The following SLC26A6 variants were observed in gnomAD, a reference collection of about 807,000 sequenced individuals.
SLC26A6 encodes the protein anion exchange transporter.
In SLC26A6, 67 loss-of-function variants were observed where a neutral mutation model predicts 87.1. The ratio of observed to expected loss-of-function variants is 0.77; its 90% CI spans 0.63 to 0.94. The LOEUF is 0.94. Among genes scored for constraint, SLC26A6 ranks in the 40% least tolerant of loss-of-function variants. The pLI is 0.00. For missense variants in SLC26A6, 902 were observed against 973.0 expected, an observed-to-expected ratio of 0.93 and a Z score of 0.97; for synonymous variants, 414 against 405.9, an observed-to-expected ratio of 1.02 and a Z score of -0.24.
intron 1 of SLC26A6, chr3:48,633,907 G>A (rs2046883005): frequency 1.3e-5 from 18 of 1,333,374 alleles, no homozygotes; most frequent in Non-Finnish European, 1.7e-5. Context: ...CTCCAGCCGA[G>A]ATGTGGCAGC....
chr3:48,635,254 G>A lies in SLC26A6; in HGVS notation c.23+117C>T, dbSNP rs539695576. 1.1e-5 allele frequency: 15 copies of A among 1,374,300 alleles called. No homozygotes were observed. The South Asian group carries it at 1.9e-4, about 17-fold the overall frequency. The allele number at this position is 1,374,300 out of a possible 1,614,324, so 85.1% of individuals were successfully genotyped here. ...CAGCCGCCTGCAGAAAATCAGCAGA[G>A]GTAAACCGAGGCGTCGCAAGCGGAG... On this transcript the variant is annotated intron_variant, in intron 1 of 20. Coordinates refer to ENST00000395550, the MANE Select transcript of SLC26A6 (RefSeq NM_022911.3).
chr3:48,629,862 G>A lies in SLC26A6; in HGVS notation c.1529+10C>T, dbSNP rs1262139421. The A allele has an allele frequency of 3.1e-5, 50 of 1,613,788 alleles. No homozygotes were observed. The Admixed American group carries it at 8.2e-4, about 26-fold the overall frequency. ...TAGCTGGAATGAGGGGACCAACATG[G>A]CGGACTCACATCTGTGTCCGGACCA... On this transcript the variant is annotated intron_variant, in intron 13 of 20. Coordinates refer to ENST00000395550, the MANE Select transcript of SLC26A6 (RefSeq NM_022911.3).
chr3:48,626,487 G>T, intron 19 of SLC26A6, 133 bp from the exon 20 acceptor site: 3 of 1,536,340 alleles, frequency 2.0e-6, no homozygotes, highest in East Asian at 4.5e-5. Flanking sequence ...CACATCACTT[G>T]TAACCCTGGA....
Position 48,633,050 on chromosome 3 carries a change from G to C in SLC26A6, c.357C>G (p.Pro119=), listed in dbSNP as rs2276849. The change falls in exon 4 of 21, where the codon CCC becomes CCG. Residue 119 remains proline, a synonymous_variant. Coordinates refer to ENST00000395550, the MANE Select transcript of SLC26A6 (RefSeq NM_022911.3). ...LAYALLAGLP[P]VFGLYSSFYP... ...AGAAGGAGCTATAGAGGCCAAACAC[G>C]GGGGGCAATCCAGCCAGGAGGGCGT... is the stretch of plus-strand genomic sequence containing the variant. 5 of 1,613,296 alleles carry C rather than the reference G, an allele frequency of 3.1e-6. No individual in the cohort carries two copies. Among genetic ancestry groups the C allele is most frequent in the Non-Finnish European group, 4.2e-6 (5 of 1,179,824 alleles).
rs1196375411 is a variant in SLC26A6 at position 48,631,886 on chromosome 3, G to A, written c.744C>T (p.Leu248=). Residue 248 remains leucine, a synonymous_variant, in exon 6 of 21, where the codon CTC becomes CTT. Transcript: ENST00000395550. ...TCCCCCTACCCTCACTCACATAGAT[G>A]AGGGACAGTGGCCCAGAGTGGCTGC... ...HLSSHSGPLS[L]IYTVLEVCWK... 2.9e-5 allele frequency: 47 copies of A among 1,613,536 alleles called. No homozygotes were observed. The highest frequency in any genetic ancestry group is 3.8e-5 in the Non-Finnish European group (45 of 1,180,028).
Position 48,631,860 on chromosome 3 carries a change from C to T in SLC26A6, c.750+20G>A. ...GGCCATGGGGCACACCTACCCCTCCCTCCCCCTACCCTCACTCACATAGAT... is the reference window on the plus strand; with the variant it reads ...GGCCATGGGGCACACCTACCCCTCCTTCCCCCTACCCTCACTCACATAGAT... On this transcript the variant is annotated intron_variant, in intron 6 of 20. Transcript: ENST00000395550. 6.2e-7 allele frequency: 1 copy of T among 1,613,338 alleles called. No homozygotes were observed. The highest frequency in any genetic ancestry group is 8.5e-7 in the Non-Finnish European group (1 of 1,179,864).
intron 17 of SLC26A6, 96 bp from the exon 18 acceptor site, chr3:48,627,151 G>A: frequency 7.0e-7 from 1 of 1,428,694 alleles, no homozygotes. Context: ...GTCAGATGGG[G>A]AGCATGCATG....
intron 17 of SLC26A6, 30 bp from the exon 18 acceptor site, chr3:48,627,085 C>G (rs1013604055): frequency 1.9e-6 from 3 of 1,602,018 alleles, no homozygotes; most frequent in Non-Finnish European, 2.6e-6. Flanking sequence ...GCCAGGGCCA[C>G]CCATGAGAGA....
chr3:48,628,722 T>C lies in SLC26A6; in HGVS notation c.1600-8A>G, dbSNP rs1197758495. The C allele has an allele frequency of 1.2e-6, 2 of 1,612,572 alleles. No individual in the cohort carries two copies. Among genetic ancestry groups the C allele is most frequent in the African/African-American group, 1.3e-5 (1 of 74,864 alleles). On this transcript the variant is annotated splice_region_variant and splice_polypyrimidine_tract_variant and intron_variant, in intron 14 of 20. Transcript: ENST00000395550. This position sits in a 1 kb window ranked among gnomAD's most constrained non-coding sequence, Gnocchi z 4.4. ...CCCCCGGACTTCCTTGGCCTGGGGA[T>C]GAGGCAGAACTGGTGGTGGCTGAAT...
intron 11 of SLC26A6, 124 bp from the exon 12 acceptor site, chr3:48,630,281 C>A: frequency 7.6e-7 from 1 of 1,312,386 alleles, no homozygotes; most frequent in East Asian, 2.4e-5. Context: ...AACCCCCACC[C>A]AGCCCCTGAC....
At chr3:48,630,781 T>C in intron 9 of SLC26A6, 61 bp from the exon 10 acceptor site, 1 of 1,539,740 alleles carries the variant, frequency 6.5e-7, no homozygotes, top group Admixed American at 1.9e-5. Flanking sequence ...ACTGTTCCAC[T>C]GTATCTAGGC....
At chr3:48,634,862 C>A (rs986342063) in intron 1 of SLC26A6, 1 of 608,784 alleles carries the variant, frequency 1.6e-6, no homozygotes, top group African/African-American at 2.0e-5. Context: ...ACGTGAGTCA[C>A]TCAGGTCTTC....
At chr3:48,626,781 G>A (rs1010493938) in intron 18 of SLC26A6, 95 bp downstream of exon 18, 8 of 1,607,942 alleles carry the variant, frequency 5.0e-6, no homozygotes, top group Non-Finnish European at 6.8e-6. Flanking sequence ...GGGGAGCTTT[G>A]AGGGTTTGGG....
Position 48,629,632 on chromosome 3 carries a change from T to C in SLC26A6, c.1599+10A>G. 2 of 1,606,632 alleles carry C rather than the reference T, an allele frequency of 1.2e-6. No individual in the cohort carries two copies. Among genetic ancestry groups the C allele is most frequent in the Non-Finnish European group, 1.7e-6 (2 of 1,176,678 alleles). On this transcript the variant is annotated intron_variant, in intron 14 of 20. Coordinates refer to ENST00000395550, the MANE Select transcript of SLC26A6 (RefSeq NM_022911.3). ...CATCCACACCATCTCACTCAGCCCC[T>C]GACACTCACCTCTGAGTACTCTGCC...
At chr3:48,629,812 G>A (rs760882271) in intron 13 of SLC26A6, 60 bp downstream of exon 13, 38 of 1,610,466 alleles carry the variant, frequency 2.4e-5, no homozygotes, top group Non-Finnish European at 3.1e-5. Flanking sequence ...GGAAAGCTGC[G>A]GGGAGCCCTG....
At chr3:48,629,190 G>C (rs2046710246) in intron 14 of SLC26A6, among the ~76,000 whole-genome samples, 1 of 152,034 alleles carries the variant, frequency 6.6e-6, no homozygotes, top group African/African-American at 2.4e-5. Context: ...ATTGCACTGT[G>C]CCCATGTTGC....
chr3:48,625,782 G>A lies in SLC26A6; in HGVS notation c.*204C>T, dbSNP rs138864752. 2.5e-4 allele frequency: 162 copies of A among 637,004 alleles called. No homozygotes were observed. The highest frequency in any genetic ancestry group is 3.9e-4 in the Non-Finnish European group (140 of 361,642). 39.5% of individuals were successfully genotyped at this position (637,004 alleles called of 1,614,324 possible). A position where few individuals can be genotyped will look rare whatever the true frequency, so the allele number is the denominator to read the frequency against. On this transcript the variant is annotated 3_prime_UTR_variant, in exon 21 of 21. Coordinates refer to ENST00000395550, the MANE Select transcript of SLC26A6 (RefSeq NM_022911.3). This position sits in a 1 kb window ranked among gnomAD's most constrained non-coding sequence, Gnocchi z 4.7. ...TATGCACCAGTTCCCTCCCTGTACC[G>A]CGCCACTGCCAGCCTGACTGCATGC...
chr3:48,628,314 T>G lies in SLC26A6; in HGVS notation c.1800+120A>C. 20 of 1,311,082 alleles carry G rather than the reference T, an allele frequency of 1.5e-5. No homozygotes were observed. Among genetic ancestry groups the G allele is most frequent in the East Asian group, 2.3e-5 (1 of 43,040 alleles). The allele number at this position is 1,311,082 out of a possible 1,614,324, so 81.2% of individuals were successfully genotyped here. On this transcript the variant is annotated intron_variant, in intron 16 of 20. Transcript: ENST00000395550. This position sits in a 1 kb window ranked among gnomAD's most constrained non-coding sequence, Gnocchi z 4.4. ...GAGTGAAGCAGGGTCCCTGGGAGCATGAGGGAGAAAGGGGAAGGGATGAGG... is the reference window on the plus strand; with the variant it reads ...GAGTGAAGCAGGGTCCCTGGGAGCAGGAGGGAGAAAGGGGAAGGGATGAGG...
At chr3:48,633,808 G>A (rs1218691022) in intron 1 of SLC26A6, 173 bp from the exon 2 acceptor site, 14 of 1,445,828 alleles carry the variant, frequency 9.7e-6, no homozygotes, top group Non-Finnish European at 1.3e-5. Flanking sequence ...ACTCAGACAG[G>A]GGCAGTACCT....
Sources: allele counts gnomAD v4.1 joint callset (sites outside exome capture counted in the v4.1 genomes callset), GRCh38; gene constraint gnomAD v4.1.1; non-coding constraint Gnocchi (gnomAD v3.1); transcripts MANE v1.5; gene names NCBI Gene and HGNC (gene_info 2026-07-23, HGNC 2026-07-21).